Variants in GPHN observed in about 807,000 individuals in gnomAD.
GPHN encodes the protein gephyrin.
A neutral mutation model predicts 95.5 loss-of-function variants in GPHN; 17 were observed. That is an observed-to-expected ratio of 0.18 (90% CI 0.12 to 0.27). GPHN has a LOEUF of 0.27. GPHN is among the 10% of genes least tolerant of loss of function. The pLI is 1.00. For synonymous variants in GPHN, 320 were observed against 322.5 expected, an observed-to-expected ratio of 0.99 and a Z score of 0.08; for missense variants, 660 against 978.1, an observed-to-expected ratio of 0.67 and a Z score of 4.34.
chr14:67,056,362 C>G (rs1277442551), intron 10 of GPHN, among the ~76,000 whole-genome samples: 10 of 151,952 alleles, frequency 6.6e-5, no homozygotes. Context: ...CATTTACAAA[C>G]CTTGAGCAAG....
chr14:67,656,011 C>T, the GPHN span, among the ~76,000 whole-genome samples: 12 of 152,164 alleles, frequency 7.9e-5, no homozygotes, highest in Non-Finnish European at 1.0e-4. Context: ...TTTGGGAGGC[C>T]GGAGCAGGTG....
the GPHN span, among the ~76,000 whole-genome samples, chr14:67,723,386 A>T: frequency 2.6e-5 from 4 of 152,100 alleles, no homozygotes; most frequent in African/African-American, 9.7e-5. Flanking sequence ...GGCAGGTGCC[A>T]CTACACCCAG....
chr14:67,221,382 T>C, the GPHN span, among the ~76,000 whole-genome samples: 22,558 of 152,112 alleles, frequency 0.15, 3,136 homozygotes, highest in East Asian at 0.42. Flanking sequence ...AAACCCTATA[T>C]TCCCAACATA....
intron 1 of GPHN, among the ~76,000 whole-genome samples, chr14:66,515,980 CTG>C (rs2058224184): frequency 6.6e-6 from 1 of 151,274 alleles, no homozygotes; most frequent in Admixed American, 6.6e-5. Flanking sequence ...AGCACCAAAA[CTG>C]TTTTTATGTC....
the GPHN span, among the ~76,000 whole-genome samples, chr14:67,732,253 A>G: frequency 1.3e-5 from 2 of 151,884 alleles, no homozygotes; most frequent in Non-Finnish European, 2.9e-5. Flanking sequence ...CCTGGACAAC[A>G]AAGTGAGACC....
chr14:67,242,639 T>C, the GPHN span, among the ~76,000 whole-genome samples: 1 of 152,128 alleles, frequency 6.6e-6, no homozygotes, highest in African/African-American at 2.4e-5. Flanking sequence ...TTTTTTTTTT[T>C]ACTAGATCCC....
the GPHN span, among the ~76,000 whole-genome samples, chr14:67,196,223 C>CTTTCTTTT: frequency 1.4e-5 from 2 of 143,118 alleles, no homozygotes; most frequent in African/African-American, 5.1e-5. Context: ...TTCTTTCTTT[C>CTTTCTTTT]TTTTTTTTTT....
the GPHN span, among the ~76,000 whole-genome samples, chr14:67,282,201 C>CT: frequency 6.6e-6 from 1 of 151,908 alleles, no homozygotes; most frequent in African/African-American, 2.4e-5. Context: ...TTTTGCCAAA[C>CT]TTTTTTTTCT....
At chr14:67,334,931 A>AAAC in the GPHN span, 1 of 152,254 alleles carries the variant, frequency 6.6e-6, no homozygotes, top group Admixed American at 6.5e-5. Context: ...TCCAAGAGCT[A>AAAC]AACTATTGGC....
the GPHN span, among the ~76,000 whole-genome samples, chr14:67,220,727 G>A: frequency 1.3e-5 from 2 of 152,036 alleles, no homozygotes; most frequent in Admixed American, 1.3e-4. Flanking sequence ...ATTTTTCAAG[G>A]TACATTTACC....
chr14:66,708,203 T>C (rs368425556), intron 2 of GPHN, among the ~76,000 whole-genome samples: 1 of 136,874 alleles, frequency 7.3e-6, no homozygotes, highest in Non-Finnish European at 1.5e-5. Flanking sequence ...TTTAGAGACA[T>C]CTAAAAACTT....
intron 1 of GPHN, among the ~76,000 whole-genome samples, chr14:66,659,962 T>C (rs1258251568): frequency 1.3e-5 from 2 of 152,096 alleles, no homozygotes; most frequent in African/African-American, 4.8e-5. Flanking sequence ...TTGTATTTTG[T>C]TTGTTCTCAC....
intron 3 of GPHN, among the ~76,000 whole-genome samples, chr14:66,816,858 A>G (rs1262176991): frequency 6.6e-6 from 1 of 152,120 alleles, no homozygotes; most frequent in Non-Finnish European, 1.5e-5. Context: ...ATGGATGAGT[A>G]TAAGGCTCCA....
chr14:67,700,581 G>A, the GPHN span, among the ~76,000 whole-genome samples: 3 of 152,106 alleles, frequency 2.0e-5, no homozygotes, highest in South Asian at 2.1e-4. Flanking sequence ...CGGGCGTGGT[G>A]GCGGGCGCCT....
At chr14:67,685,044 A>G in the GPHN span, 2 of 1,612,330 alleles carry the variant, frequency 1.2e-6, no homozygotes. Flanking sequence ...GAATCTCAAG[A>G]CCTTCTGTTA....
intron 4 of GPHN, among the ~76,000 whole-genome samples, chr14:66,859,686 A>G (rs2153520565): frequency 6.6e-6 from 1 of 152,356 alleles, no homozygotes; most frequent in South Asian, 2.1e-4. Flanking sequence ...TAGATAGAGA[A>G]TTCAAAATAG....
the GPHN span, among the ~76,000 whole-genome samples, chr14:67,477,449 C>G: frequency 6.6e-6 from 1 of 152,212 alleles, no homozygotes; most frequent in African/African-American, 2.4e-5. Flanking sequence ...GCTTCTCTTC[C>G]TCTTCTGAAT....
chr14:67,635,291 T>C, the GPHN span, among the ~76,000 whole-genome samples: 1 of 152,172 alleles, frequency 6.6e-6, no homozygotes, highest in African/African-American at 2.4e-5. Flanking sequence ...GGGAGTTAAA[T>C]GCACCAAATA....
chr14:67,074,842 A>G (rs962674547), intron 11 of GPHN, among the ~76,000 whole-genome samples: 2 of 152,204 alleles, frequency 1.3e-5, no homozygotes, highest in Non-Finnish European at 2.9e-5. Flanking sequence ...TATAGAAGAA[A>G]AGTTTGAAGC....
Sources: gnomAD v4.1 joint callset for allele counts (sites outside exome capture counted in the v4.1 genomes callset) on GRCh38, gnomAD v4.1.1 for gene constraint, MANE v1.5 for transcripts, NCBI Gene and HGNC (gene_info 2026-07-23, HGNC 2026-07-21) for gene names.